PRDM11: variants seen among roughly 807,000 people sequenced by gnomAD.
PRDM11 encodes PR/SET domain 11, also known as PR domain-containing protein 11.
PRDM11 carries 20 observed loss-of-function variants against 97.8 expected under a neutral mutation model. That is an observed-to-expected ratio of 0.20 (90% confidence interval 0.14 to 0.30). PRDM11 has a LOEUF of 0.30. Among genes scored for constraint, PRDM11 ranks in the 10% least tolerant of loss-of-function variants. The probability of loss-of-function intolerance (pLI) is 1.00; values close to 1 mark genes in which losing one functional copy is unlikely to be tolerated. For missense variants in PRDM11, 1,139 were observed against 1,555.2 expected (o/e 0.73, Z 4.50); for synonymous variants, 599 against 637.7 (o/e 0.94, Z 0.91).
intron 1 of PRDM11, among the ~76,000 whole-genome samples, chr11:45,160,382 C>T (rs756962431): frequency 2.2e-4 from 34 of 152,190 alleles, no homozygotes; most frequent in Non-Finnish European, 4.1e-4. Flanking sequence ...TCTTGATGAT[C>T]ACAACATTCC....
At chr11:45,202,097 C>T (rs1282604602) in intron 4 of PRDM11, among the ~76,000 whole-genome samples, 1 of 152,234 alleles carries the variant, frequency 6.6e-6, no homozygotes, top group Non-Finnish European at 1.5e-5. Context: ...GTGTGAGCAT[C>T]ACACTTAACC....
intron 1 of PRDM11, among the ~76,000 whole-genome samples, chr11:45,122,854 C>A (rs941003205): frequency 3.3e-5 from 5 of 152,130 alleles, no homozygotes; most frequent in Non-Finnish European, 1.5e-5. Flanking sequence ...TGGGTACATA[C>A]CCAGTAATGG....
In PRDM11 at chr11:45,232,482, T is replaced by C. The variant is rs1303937050; in HGVS notation, c.*4323T>C. On this transcript the variant is annotated 3_prime_UTR_variant, in exon 8 of 8. Transcript: ENST00000683152. ...ATAGGTCCAATTTTGGCAGAAGGCA[T>C]TGGACTTGTGCCCCCTCCCTGCTTC... 1 of 152,338 alleles carries C rather than the reference T, an allele frequency of 6.6e-6. No homozygotes were observed. Among genetic ancestry groups the C allele is most frequent in the East Asian group, 1.9e-4 (1 of 5,204 alleles). 9.4% of individuals were successfully genotyped at this position (152,338 alleles called of 1,614,324 possible). A position where few individuals can be genotyped will look rare whatever the true frequency, so the allele number is the denominator to read the frequency against.
intron 6 of PRDM11, among the ~76,000 whole-genome samples, chr11:45,221,763 T>C (rs1244744748): frequency 6.6e-6 from 1 of 151,778 alleles, no homozygotes; most frequent in East Asian, 1.9e-4. Context: ...AGGAAGGAAA[T>C]TGAAAGTCAC....
chr11:45,109,228 A>T (rs1313926305), intron 1 of PRDM11, among the ~76,000 whole-genome samples: 1 of 152,146 alleles, frequency 6.6e-6, no homozygotes, highest in Non-Finnish European at 1.5e-5. Context: ...AGTGGTGAGG[A>T]GTGGCGGTCT....
intron 1 of PRDM11, among the ~76,000 whole-genome samples, chr11:45,134,720 AAAAAAAG>A (rs1852799275): frequency 2.7e-5 from 4 of 148,374 alleles, no homozygotes; most frequent in Middle Eastern, 3.5e-3. Context: ...AAAAAAAAAA[AAAAAAAG>A]AATAGTATTT....
In PRDM11 at chr11:45,101,567, A is replaced by AAAAAAAAGAAGAAGAAGAAG. The variant is rs767802218; in HGVS notation, c.96+5668_96+5669insAAAAAGAAGAAGAAGAAGAA. ...CAACACTCTGTCTCAAAAAAAAAAAAAAGAAGAAGAAGAAGAAGAAGAAGA... is the reference window on the plus strand; with the variant it reads ...CAACACTCTGTCTCAAAAAAAAAAAAAAAAAAAGAAGAAGAAGAAGAAGAAGAAGAAGAAGAAGAAGAAGA... On this transcript the variant is annotated intron_variant, in intron 1 of 6. Coordinates refer to the PRDM11 transcript ENST00000530656. 1.1e-3 allele frequency among the ~76,000 whole-genome samples: 111 copies of AAAAAAAAGAAGAAGAAGAAG among 96,852 alleles called. 1 individual carries two copies. The highest frequency in any genetic ancestry group is 5.1e-3 in the African/African-American group (104 of 20,538). The allele number at this position is 96,852 out of a possible 152,430, so 63.5% of individuals were successfully genotyped here. A position where few individuals can be genotyped will look rare whatever the true frequency, so the allele number is the denominator to read the frequency against.
At chr11:45,097,884 A>G (rs1565216903) in intron 1 of PRDM11, among the ~76,000 whole-genome samples, 1 of 152,254 alleles carries the variant, frequency 6.6e-6, no homozygotes, top group Non-Finnish European at 1.5e-5. Flanking sequence ...CAGTTCTCCA[A>G]GGAATTTGGA....
At chr11:45,197,942 G>T (rs959527645) in intron 4 of PRDM11, among the ~76,000 whole-genome samples, 1 of 152,096 alleles carries the variant, frequency 6.6e-6, no homozygotes, top group African/African-American at 2.4e-5. Context: ...AACGGGTGCA[G>T]CACACCAACA....
In PRDM11 at chr11:45,227,012, G is replaced by A. The variant is rs1470896664; in HGVS notation, c.2387G>A (p.Arg796His). 6.5e-6 allele frequency: 10 copies of A among 1,533,914 alleles called. No individual in the cohort carries two copies. Among genetic ancestry groups the A allele is most frequent in the East Asian group, 4.9e-5 (2 of 40,908 alleles). ...NNLKQLLSFY[R>H]YSPRLMCELR... Reference sequence around the variant, plus strand: ...CTGAAGCAGCTGCTGAGCTTCTACCGCTACTCACCGCGCCTCATGTGCGAG... The same window carrying A: ...CTGAAGCAGCTGCTGAGCTTCTACCACTACTCACCGCGCCTCATGTGCGAG... The change falls in exon 8 of 8, where the codon CGC becomes CAC. Residue 796 changes from arginine (R) to histidine (H), a missense_variant. Transcript: ENST00000683152. This position sits in a 1 kb window ranked among gnomAD's most constrained non-coding sequence, Gnocchi z 8.0.
chr11:45,176,125 T>C (rs1402143196), intron 1 of PRDM11, among the ~76,000 whole-genome samples: 1 of 152,156 alleles, frequency 6.6e-6, no homozygotes, highest in Non-Finnish European at 1.5e-5. Flanking sequence ...CTCATGCCTG[T>C]AATCCCAGCA....
At chr11:45,110,370 G>A (rs1351615900) in intron 1 of PRDM11, among the ~76,000 whole-genome samples, 4 of 152,146 alleles carry the variant, frequency 2.6e-5, no homozygotes, top group Admixed American at 2.6e-4. Context: ...CCAGGAAAAC[G>A]TAAAAGGGGG....
chr11:45,141,453 T>A (rs1344672674), intron 1 of PRDM11, among the ~76,000 whole-genome samples: 3 of 152,222 alleles, frequency 2.0e-5, no homozygotes, highest in African/African-American at 7.2e-5. Context: ...ATGTTTACTG[T>A]CTTCAGCTGC....
In PRDM11 at chr11:45,126,696, C is replaced by T. The variant is rs534304352; in HGVS notation, c.96+30795C>T. 8.4e-3 allele frequency among the ~76,000 whole-genome samples: 1,282 copies of T among 152,262 alleles called. 7 individuals carry two copies. Among genetic ancestry groups the T allele is most frequent in the Non-Finnish European group, 0.014 (972 of 68,022 alleles). On this transcript the variant is annotated intron_variant, in intron 1 of 6. Coordinates refer to the PRDM11 transcript ENST00000530656. Reference sequence around the variant, plus strand: ...CTCTTCTGGCTTGTAGAGTTTCTGCCGAGAGATCCACTGTTAGTCTGATGG... The same window carrying T: ...CTCTTCTGGCTTGTAGAGTTTCTGCTGAGAGATCCACTGTTAGTCTGATGG...
At chr11:45,197,620 A>G (rs897008381) in intron 4 of PRDM11, among the ~76,000 whole-genome samples, 2 of 152,146 alleles carry the variant, frequency 1.3e-5, no homozygotes, top group African/African-American at 4.8e-5. Flanking sequence ...ATCAAGTTAG[A>G]TATGTTAAAT....
chr11:45,157,552 G>T (rs924347403), intron 1 of PRDM11, among the ~76,000 whole-genome samples: 4 of 152,180 alleles, frequency 2.6e-5, no homozygotes, highest in African/African-American at 9.7e-5. Flanking sequence ...GGACCAAAGA[G>T]GCCATCCAGG....
At chr11:45,180,732 G>A (rs1445530015) in intron 1 of PRDM11, among the ~76,000 whole-genome samples, 1 of 149,892 alleles carries the variant, frequency 6.7e-6, no homozygotes, top group African/African-American at 2.4e-5. Context: ...TCCCCGCCGG[G>A]AAGGCTGGCG....
chr11:45,113,291 A>G (rs529294308), intron 1 of PRDM11, among the ~76,000 whole-genome samples: 1 of 152,284 alleles, frequency 6.6e-6, no homozygotes, highest in African/African-American at 2.4e-5. Flanking sequence ...CGGGTTCTCT[A>G]TTCTGTTCCA....
intron 6 of PRDM11, among the ~76,000 whole-genome samples, chr11:45,222,759 G>A (rs1293059323): frequency 1.3e-5 from 2 of 152,160 alleles, no homozygotes; most frequent in Non-Finnish European, 2.9e-5. Context: ...CTGCTTATTG[G>A]CAAACCCTTG....
Sources: allele counts gnomAD v4.1 joint callset (sites outside exome capture counted in the v4.1 genomes callset), GRCh38; gene constraint gnomAD v4.1.1; non-coding constraint Gnocchi (gnomAD v3.1); transcripts MANE v1.5; gene names NCBI Gene and HGNC (gene_info 2026-07-23, HGNC 2026-07-21).